The following GRM8 variants were observed in gnomAD, a reference collection of about 807,000 sequenced individuals.
GRM8 encodes metabotropic glutamate receptor 8.
In GRM8, 47 loss-of-function variants were observed where a neutral mutation model predicts 87.2. That is an observed-to-expected ratio of 0.54 (90% CI 0.43 to 0.69). The LOEUF (loss-of-function observed/expected upper bound fraction) is 0.69. Ranked by LOEUF, GRM8 falls within the 30% of genes least tolerant of loss-of-function variation. The pLI, the probability that GRM8 is intolerant of heterozygous loss-of-function variation, is 0.00. For synonymous variants in GRM8, 396 were observed against 404.5 expected (o/e 0.98, Z 0.25); for missense variants, 1,019 against 1,139.2 (o/e 0.89, Z 1.52).
intron 3 of GRM8, among the ~76,000 whole-genome samples, chr7:127,104,745 A>T (rs1449609355): frequency 1.3e-5 from 2 of 152,216 alleles, no homozygotes; most frequent in Non-Finnish European, 2.9e-5. Context: ...CTATGATAGA[A>T]ACAGGAGTAA....
chr7:127,175,160 T>C (rs1301780170), intron 2 of GRM8, among the ~76,000 whole-genome samples: 2 of 152,134 alleles, frequency 1.3e-5, no homozygotes, highest in East Asian at 1.9e-4. Flanking sequence ...AGATGACTAA[T>C]GTAACCAAAA....
At chr7:126,660,675 T>C (rs1189395108) in intron 7 of GRM8, among the ~76,000 whole-genome samples, 1 of 152,214 alleles carries the variant, frequency 6.6e-6, no homozygotes, top group African/African-American at 2.4e-5. Flanking sequence ...TTTTAATTAC[T>C]TTTAGTGCAA....
intron 2 of GRM8, among the ~76,000 whole-genome samples, chr7:127,213,876 A>G (rs1212522090): frequency 1.3e-5 from 2 of 152,234 alleles, no homozygotes; most frequent in Non-Finnish European, 2.9e-5. Flanking sequence ...ATACATGCAT[A>G]CTCTGTCACC....
chr7:126,505,502 A>G (rs1810314423), intron 9 of GRM8, among the ~76,000 whole-genome samples: 1 of 152,030 alleles, frequency 6.6e-6, no homozygotes, highest in Non-Finnish European at 1.5e-5. Flanking sequence ...AGGTTCCCCA[A>G]ACTAAATGGA....
intron 3 of GRM8, among the ~76,000 whole-genome samples, chr7:127,092,769 G>A (rs958341071): frequency 3.3e-5 from 5 of 152,178 alleles, no homozygotes; most frequent in South Asian, 2.1e-4. Context: ...GGACATGCAC[G>A]GATTCCAGGC....
At chr7:126,938,052 A>G (rs1386372647) in intron 3 of GRM8, among the ~76,000 whole-genome samples, 1 of 152,214 alleles carries the variant, frequency 6.6e-6, no homozygotes, top group East Asian at 1.9e-4. Flanking sequence ...GTAAGAGCCT[A>G]CATTTCATAA....
At position 126,457,272 on chromosome 7, in the gene GRM8, A is replaced by T. The variant is rs970696555; in HGVS notation, c.2431-10900T>A. On this transcript the variant is annotated intron_variant, in intron 9 of 10. Coordinates refer to ENST00000339582, the MANE Select transcript of GRM8 (RefSeq NM_000845.3). ...TTAAAATTCAGAAAGAAATTATTGG[A>T]GATATATAAAACATGATACAAAATT... 3.3e-5 allele frequency among the ~76,000 whole-genome samples: 5 copies of T among 151,572 alleles called. No individual in the cohort carries two copies. In the East Asian group the frequency reaches 9.7e-4, roughly 29 times the overall value.
rs536119608 is a variant in GRM8, at chr7:127,200,573, C to T, written c.510+42122G>A. On this transcript the variant is annotated intron_variant, in intron 2 of 10. Coordinates refer to ENST00000339582, the MANE Select transcript of GRM8 (RefSeq NM_000845.3). ...CACAGTCCTGGAGGCTGGAAGTCTG[C>T]CATCAAGGCATCAGCAGGCCCATGT... Among the ~76,000 whole-genome samples, 3 of 152,286 alleles carry T rather than the reference C, an allele frequency of 2.0e-5. No individual in the cohort carries two copies. The East Asian group carries it at 5.8e-4, about 29-fold the overall frequency.
At chr7:126,576,711 T>C (rs1795147681) in intron 8 of GRM8, among the ~76,000 whole-genome samples, 1 of 152,182 alleles carries the variant, frequency 6.6e-6, no homozygotes, top group South Asian at 2.1e-4. Context: ...CCCACCTTTT[T>C]GGTATTTTCA....
At chr7:126,951,987 A>G (rs1410736153) in intron 3 of GRM8, among the ~76,000 whole-genome samples, 4 of 151,678 alleles carry the variant, frequency 2.6e-5, no homozygotes, top group Non-Finnish European at 5.9e-5. Flanking sequence ...TAGCATGAAG[A>G]TCTCAGTTTC....
intron 9 of GRM8, among the ~76,000 whole-genome samples, chr7:126,465,503 T>C (rs1804390795): frequency 6.6e-6 from 1 of 151,928 alleles, no homozygotes; most frequent in South Asian, 2.1e-4. Context: ...CCTCTTTAAT[T>C]CGTTTCTCTA....
chr7:127,040,713 G>C (rs1166414980), intron 3 of GRM8, among the ~76,000 whole-genome samples: 2 of 152,160 alleles, frequency 1.3e-5, no homozygotes, highest in Non-Finnish European at 2.9e-5. Context: ...ACCCCGGAAT[G>C]GGAAGATCAA....
chr7:127,201,535 T>C (rs1270032734), intron 2 of GRM8, among the ~76,000 whole-genome samples: 1 of 152,250 alleles, frequency 6.6e-6, no homozygotes, highest in East Asian at 1.9e-4. Flanking sequence ...CTCAGTGATC[T>C]CATTAAAGGA....
intron 9 of GRM8, among the ~76,000 whole-genome samples, chr7:126,528,623 T>C (rs1343320839): frequency 6.7e-6 from 1 of 150,198 alleles, no homozygotes; most frequent in Admixed American, 6.6e-5. Flanking sequence ...GTTGTGTGTG[T>C]GTGTGTGTGT....
chr7:126,933,986 C>G (rs1329591393), intron 3 of GRM8, among the ~76,000 whole-genome samples: 1 of 152,122 alleles, frequency 6.6e-6, no homozygotes. Flanking sequence ...TACTGTGTCT[C>G]CTTATTCCCC....
chr7:126,821,917 A>G (rs1036114358), intron 6 of GRM8, among the ~76,000 whole-genome samples: 4 of 152,144 alleles, frequency 2.6e-5, no homozygotes, highest in African/African-American at 9.7e-5. Context: ...CCTATAATCC[A>G]TAGCAATTCC....
intron 7 of GRM8, among the ~76,000 whole-genome samples, chr7:126,638,684 T>G (rs757634267): frequency 1.3e-5 from 2 of 152,224 alleles, no homozygotes; most frequent in South Asian, 2.1e-4. Context: ...AGGATGTACC[T>G]AAGATAACAT....
intron 3 of GRM8, among the ~76,000 whole-genome samples, chr7:126,909,595 C>T (rs1803078092): frequency 6.6e-6 from 1 of 152,120 alleles, no homozygotes; most frequent in Admixed American, 6.5e-5. Flanking sequence ...TTATAATTGG[C>T]TGTTTTCTAG....
At chr7:127,128,729 A>C (rs1827514977) in intron 2 of GRM8, among the ~76,000 whole-genome samples, 1 of 152,166 alleles carries the variant, frequency 6.6e-6, no homozygotes, top group African/African-American at 2.4e-5. Flanking sequence ...TTAAGCCAGA[A>C]TCTGTCAGAT....
Sources: allele counts gnomAD v4.1 joint callset (sites outside exome capture counted in the v4.1 genomes callset), GRCh38; gene constraint gnomAD v4.1.1; transcripts MANE v1.5; gene names NCBI Gene and HGNC (gene_info 2026-07-23, HGNC 2026-07-21).